CPNE8: variants seen among roughly 807,000 people sequenced by gnomAD.
The protein encoded by CPNE8 is copine-8.
CPNE8 carries 45 observed loss-of-function variants against 81.5 expected under a neutral mutation model. The ratio of observed to expected loss-of-function variants is 0.55; its 90% CI spans 0.44 to 0.71. CPNE8 has a LOEUF of 0.71. Among genes scored for constraint, CPNE8 ranks in the 30% least tolerant of loss-of-function variants. The probability of loss-of-function intolerance (pLI) is 0.00; values close to 1 mark genes in which losing one functional copy is unlikely to be tolerated. For synonymous variants in CPNE8, 252 were observed against 226.3 expected (o/e 1.11, Z -1.02); for missense variants, 594 against 672.1 (o/e 0.88, Z 1.28).
At chr12:38,815,814 A>G (rs1195468726) in intron 6 of CPNE8, among the ~76,000 whole-genome samples, 1 of 152,188 alleles carries the variant, frequency 6.6e-6, no homozygotes, top group African/African-American at 2.4e-5. Context: ...TTATCATGGT[A>G]AGGAATCATA....
At chr12:38,782,268 C>T (rs572525951) in intron 6 of CPNE8, among the ~76,000 whole-genome samples, 11 of 152,144 alleles carry the variant, frequency 7.2e-5, no homozygotes, top group Admixed American at 2.6e-4. Flanking sequence ...GGCTAAGAAA[C>T]GATTTCACGT....
Position 38,654,007 on chromosome 12 carries a change from C to T in CPNE8, c.1570G>A (p.Ala524Thr). The change falls in exon 20 of 20, where the codon GCT becomes ACT. Residue 524 changes from alanine to threonine, a missense_variant. Coordinates refer to ENST00000331366, the MANE Select transcript of CPNE8 (RefSeq NM_153634.3). ...GNHILSMARL[A>T]KDVLAEIPEQ... ...GGGATCTCAGCTAGGACATCTTTAG[C>T]CAATCTAGCCATGCTCAGTATGTGG... 1 of 1,613,524 alleles carries T rather than the reference C, an allele frequency of 6.2e-7. No individual in the cohort carries two copies. The highest frequency in any genetic ancestry group is 8.5e-7 in the Non-Finnish European group (1 of 1,179,844).
At chr12:38,884,633 A>G (rs999299955) in intron 1 of CPNE8, among the ~76,000 whole-genome samples, 7 of 152,230 alleles carry the variant, frequency 4.6e-5, no homozygotes, top group African/African-American at 1.7e-4. Flanking sequence ...TGACTGCATT[A>G]TATTACATTC....
chr12:38,818,111 T>C (rs952882000), intron 6 of CPNE8, among the ~76,000 whole-genome samples: 4 of 152,172 alleles, frequency 2.6e-5, no homozygotes, highest in African/African-American at 7.2e-5. Flanking sequence ...AGTCAATAGA[T>C]GCAAAGCCAG....
intron 1 of CPNE8, among the ~76,000 whole-genome samples, chr12:38,890,122 T>A (rs943172977): frequency 6.6e-6 from 1 of 152,240 alleles, no homozygotes; most frequent in Admixed American, 6.5e-5. Context: ...CATCTTCACC[T>A]TGTATTACCA....
intron 10 of CPNE8, among the ~76,000 whole-genome samples, chr12:38,749,925 A>C (rs1289091697): frequency 6.6e-6 from 1 of 152,132 alleles, no homozygotes; most frequent in Non-Finnish European, 1.5e-5. Flanking sequence ...AATCCCCAAG[A>C]CAATGGGGAA....
intron 3 of CPNE8, among the ~76,000 whole-genome samples, chr12:38,871,089 GGAAAGCAT>G (rs1943985530): frequency 6.6e-6 from 1 of 152,124 alleles, no homozygotes; most frequent in African/African-American, 2.4e-5. Context: ...TTAGGCAATA[GGAAAGCAT>G]GAGAAATTTT....
At chr12:38,707,460 G>A (rs1241359198) in intron 13 of CPNE8, among the ~76,000 whole-genome samples, 1 of 152,000 alleles carries the variant, frequency 6.6e-6, no homozygotes, top group Non-Finnish European at 1.5e-5. Context: ...GAAAGAGAGA[G>A]GAGGGAAGGA....
At chr12:38,785,580 T>C (rs1331700847) in intron 6 of CPNE8, among the ~76,000 whole-genome samples, 1 of 152,152 alleles carries the variant, frequency 6.6e-6, no homozygotes, top group Non-Finnish European at 1.5e-5. Flanking sequence ...CCATGTAAAA[T>C]ATGACTTTGC....
At chr12:38,782,963 A>G (rs1477932676) in intron 6 of CPNE8, among the ~76,000 whole-genome samples, 2 of 152,188 alleles carry the variant, frequency 1.3e-5, no homozygotes, top group Non-Finnish European at 2.9e-5. Flanking sequence ...TGCAGGCATG[A>G]GCCACCCCAC....
intron 13 of CPNE8, among the ~76,000 whole-genome samples, chr12:38,722,984 C>T (rs1314500611): frequency 1.8e-4 from 28 of 152,146 alleles, no homozygotes; most frequent in Admixed American, 1.8e-3. Flanking sequence ...ACACGCCTTG[C>T]TTCCCCTGTG....
chr12:38,895,181 A>G (rs1944373136), intron 1 of CPNE8, among the ~76,000 whole-genome samples: 1 of 152,126 alleles, frequency 6.6e-6, no homozygotes, highest in African/African-American at 2.4e-5. Flanking sequence ...ATAGCTCAGA[A>G]TAATGTACTG....
chr12:38,681,072 T>C (rs1939399830), intron 16 of CPNE8, among the ~76,000 whole-genome samples: 1 of 152,060 alleles, frequency 6.6e-6, no homozygotes, highest in African/African-American at 2.4e-5. Context: ...GAAGAAATTT[T>C]CATAATAGTC....
chr12:38,852,224 T>C (rs1943657549), intron 3 of CPNE8, among the ~76,000 whole-genome samples: 1 of 151,980 alleles, frequency 6.6e-6, no homozygotes, highest in African/African-American at 2.4e-5. Flanking sequence ...GGTTAGGGGT[T>C]CAAGACCAGC....
At chr12:38,806,767 AG>A (rs1387962674) in intron 6 of CPNE8, among the ~76,000 whole-genome samples, 1 of 147,046 alleles carries the variant, frequency 6.8e-6, no homozygotes, top group African/African-American at 2.4e-5. Flanking sequence ...ATTAGGCAGG[AG>A]AAGGAAATAA....
intron 3 of CPNE8, among the ~76,000 whole-genome samples, chr12:38,859,869 T>C (rs1042981634): frequency 4.6e-5 from 7 of 151,674 alleles, no homozygotes; most frequent in Non-Finnish European, 4.4e-5. Flanking sequence ...TACAAATAAA[T>C]GAAACTGGCC....
chr12:38,675,122 G>A (rs1939259116), intron 18 of CPNE8, among the ~76,000 whole-genome samples: 1 of 152,172 alleles, frequency 6.6e-6, no homozygotes, highest in South Asian at 2.1e-4. Context: ...AAACTACCCA[G>A]TATGCCAATT....
intron 14 of CPNE8, among the ~76,000 whole-genome samples, chr12:38,699,362 G>A (rs1407663046): frequency 6.6e-6 from 1 of 152,156 alleles, no homozygotes; most frequent in Non-Finnish European, 1.5e-5. Flanking sequence ...GTCACCTTTT[G>A]TTAGTTCATT....
intron 14 of CPNE8, among the ~76,000 whole-genome samples, chr12:38,700,239 C>CTTT (rs34234420): frequency 9.1e-5 from 12 of 131,196 alleles, no homozygotes; most frequent in South Asian, 2.5e-4. Flanking sequence ...AAGTCCCCTT[C>CTTT]TTTTTTTTTT....
Sources: gnomAD v4.1 joint callset for allele counts (sites outside exome capture counted in the v4.1 genomes callset) on GRCh38, gnomAD v4.1.1 for gene constraint, MANE v1.5 for transcripts, NCBI Gene and HGNC (gene_info 2026-07-23, HGNC 2026-07-21) for gene names.